THSD4: variants seen among roughly 807,000 people sequenced by gnomAD.
THSD4 encodes the protein thrombospondin type 1 domain containing 4, also known as thrombospondin type-1 domain-containing protein 4.
Under a neutral mutation model 119.0 loss-of-function variants are expected in THSD4, and 69 were observed. That is an observed-to-expected ratio of 0.58 (90% confidence interval 0.48 to 0.71). The LOEUF is 0.71. Among genes scored for constraint, THSD4 ranks in the 30% least tolerant of loss-of-function variants. The probability of loss-of-function intolerance (pLI) is 0.00; values close to 1 mark genes in which losing one functional copy is unlikely to be tolerated. For missense variants in THSD4, 1,393 were observed against 1,391.1 expected (o/e 1.00, Z -0.02); for synonymous variants, 524 against 540.4 (o/e 0.97, Z 0.42).
intron 7 of THSD4, among the ~76,000 whole-genome samples, chr15:71,537,308 A>G (rs1451015860): frequency 1.3e-5 from 2 of 152,122 alleles, no homozygotes; most frequent in Admixed American, 1.3e-4. Context: ...CAAAATGCAA[A>G]TCTGGTCCTA....
chr15:71,681,625 A>G (rs551586409), intron 8 of THSD4, among the ~76,000 whole-genome samples: 1 of 151,500 alleles, frequency 6.6e-6, no homozygotes, highest in African/African-American at 2.4e-5. Flanking sequence ...CAGTGAGCCA[A>G]GATGGTTCCA....
At chr15:71,508,417 T>G (rs1460099099) in intron 7 of THSD4, among the ~76,000 whole-genome samples, 1 of 152,200 alleles carries the variant, frequency 6.6e-6, no homozygotes, top group Non-Finnish European at 1.5e-5. Flanking sequence ...GTTCAGATGG[T>G]CATGGTTACC....
chr15:71,455,075 T>C (rs2047319319), intron 7 of THSD4, among the ~76,000 whole-genome samples: 1 of 152,224 alleles, frequency 6.6e-6, no homozygotes, highest in South Asian at 2.1e-4. Context: ...GGCTGGATTT[T>C]CTACCATGAG....
At chr15:71,451,692 G>T (rs563867164) in intron 7 of THSD4, among the ~76,000 whole-genome samples, 39 of 152,218 alleles carry the variant, frequency 2.6e-4, no homozygotes, top group Non-Finnish European at 2.9e-5. Context: ...GTCACTTCTG[G>T]ACTAGGCCTG....
chr15:71,544,982 C>CA (rs750389316), intron 7 of THSD4, among the ~76,000 whole-genome samples: 3 of 152,080 alleles, frequency 2.0e-5, no homozygotes, highest in Non-Finnish European at 4.4e-5. Context: ...CAGACAGTAG[C>CA]ATAGAGGTTG....
At chr15:71,373,218 A>G (rs139978947) in intron 6 of THSD4, among the ~76,000 whole-genome samples, 224 of 152,362 alleles carry the variant, frequency 1.5e-3, no homozygotes, top group Non-Finnish European at 2.5e-3. Context: ...TGGATTAAAA[A>G]TAATTCTTAA....
intron 7 of THSD4, among the ~76,000 whole-genome samples, chr15:71,627,133 A>G (rs11855416): frequency 0.027 from 4,085 of 152,296 alleles, 200 homozygotes; most frequent in African/African-American, 0.094. Flanking sequence ...GAGGTTACAG[A>G]AAGGGAAAGG....
At chr15:71,638,650 G>C (rs1459836555) in intron 7 of THSD4, among the ~76,000 whole-genome samples, 1 of 152,018 alleles carries the variant, frequency 6.6e-6, no homozygotes, top group Admixed American at 6.6e-5. Context: ...TCTTATTCAG[G>C]CATTTGAAAG....
At chr15:71,361,101 T>C (rs938741509) in intron 6 of THSD4, among the ~76,000 whole-genome samples, 3 of 152,200 alleles carry the variant, frequency 2.0e-5, no homozygotes, top group South Asian at 4.1e-4. Flanking sequence ...GGGTGGCACA[T>C]GCTGTCTGGT....
At chr15:71,775,581 T>C (rs1421765867) in intron 17 of THSD4, among the ~76,000 whole-genome samples, 2 of 151,696 alleles carry the variant, frequency 1.3e-5, no homozygotes, top group Admixed American at 6.6e-5. Flanking sequence ...TGTGGCAGCA[T>C]GTGCCTGTAA....
chr15:71,637,469 G>C (rs1301499598), intron 7 of THSD4, among the ~76,000 whole-genome samples: 1 of 152,148 alleles, frequency 6.6e-6, no homozygotes, highest in Non-Finnish European at 1.5e-5. Context: ...AATAGCTCAA[G>C]AGATGAGGGA....
At chr15:71,497,486 C>T (rs1396066785) in intron 7 of THSD4, among the ~76,000 whole-genome samples, 1 of 150,686 alleles carries the variant, frequency 6.6e-6, no homozygotes, top group African/African-American at 2.4e-5. Flanking sequence ...GCATACCAGC[C>T]TGGGTGATAG....
intron 4 of THSD4, among the ~76,000 whole-genome samples, chr15:71,239,085 T>C (rs2044130710): frequency 6.6e-6 from 1 of 152,272 alleles, no homozygotes; most frequent in Admixed American, 6.5e-5. Context: ...CTAGAGCTTT[T>C]CTTACATAAA....
chr15:71,674,943 T>G (rs2051609151), intron 8 of THSD4, among the ~76,000 whole-genome samples: 1 of 152,218 alleles, frequency 6.6e-6, no homozygotes, highest in African/African-American at 2.4e-5. Context: ...TGCTGAAGTT[T>G]TGTAGGCCAC....
At position 71,769,925 on chromosome 15, in the gene THSD4, AT is replaced by A. The variant is rs1442511714; in HGVS notation, c.2770-1136del. 4.5e-4 allele frequency among the ~76,000 whole-genome samples: 31 copies of A among 68,256 alleles called. 1 individual carries two copies. Among genetic ancestry groups the A allele is most frequent in the African/African-American group, 2.4e-3 (28 of 11,706 alleles). 44.8% of individuals were successfully genotyped at this position (68,256 alleles called of 152,430 possible). A position where few individuals can be genotyped will look rare whatever the true frequency, so the allele number is the denominator to read the frequency against. ...CAAGAATTATCAATAAAAAAAATAAATTTAAAAAAAAAAAAAAAAAAAAAGA... is the reference window on the plus strand; with the variant it reads ...CAAGAATTATCAATAAAAAAAATAAATTAAAAAAAAAAAAAAAAAAAAAGA... On this transcript the variant is annotated intron_variant, in intron 16 of 17. Transcript: ENST00000261862.
At chr15:71,717,286 C>G (rs1302102642) in intron 8 of THSD4, among the ~76,000 whole-genome samples, 1 of 152,158 alleles carries the variant, frequency 6.6e-6, no homozygotes, top group Non-Finnish European at 1.5e-5. Context: ...AGGTGAATGC[C>G]ATGGAATTCT....
At chr15:71,516,682 T>A (rs1017225539) in intron 7 of THSD4, among the ~76,000 whole-genome samples, 7 of 152,086 alleles carry the variant, frequency 4.6e-5, no homozygotes, top group Non-Finnish European at 1.0e-4. Context: ...TTACATTATT[T>A]GTTTTCAGAC....
At chr15:71,265,543 C>G (rs1280978852) in intron 6 of THSD4, among the ~76,000 whole-genome samples, 2 of 152,154 alleles carry the variant, frequency 1.3e-5, no homozygotes, top group Non-Finnish European at 2.9e-5. Context: ...GGGCAGACAC[C>G]AAGCTAGCTG....
At chr15:71,421,599 C>T (rs1425839421) in intron 7 of THSD4, among the ~76,000 whole-genome samples, 1 of 152,140 alleles carries the variant, frequency 6.6e-6, no homozygotes, top group African/African-American at 2.4e-5. Context: ...AGGAGCCTTT[C>T]TTTTGCTTTG....
Sources: gnomAD v4.1 joint callset for allele counts (sites outside exome capture counted in the v4.1 genomes callset) on GRCh38, gnomAD v4.1.1 for gene constraint, MANE v1.5 for transcripts, NCBI Gene and HGNC (gene_info 2026-07-23, HGNC 2026-07-21) for gene names.